LRRC4C: variants seen among roughly 807,000 people sequenced by gnomAD.
The protein encoded by LRRC4C is leucine rich repeat containing 4C.
Under a neutral mutation model 33.6 loss-of-function variants are expected in LRRC4C, and 5 were observed. The ratio of observed to expected loss-of-function variants is 0.15; its 90% CI spans 0.08 to 0.31. LRRC4C has a LOEUF of 0.31. Among genes scored for constraint, LRRC4C ranks in the 10% least tolerant of loss-of-function variants. The probability of loss-of-function intolerance (pLI) is 1.00; values close to 1 mark genes in which losing one functional copy is unlikely to be tolerated. For missense variants in LRRC4C, 560 were observed against 796.7 expected, an observed-to-expected ratio of 0.70 and a Z score of 3.58; for synonymous variants, 329 against 302.0, an observed-to-expected ratio of 1.09 and a Z score of -0.93.
At chr11:40,601,765 A>T (rs547211753) in intron 3 of LRRC4C, among the ~76,000 whole-genome samples, 1 of 152,314 alleles carries the variant, frequency 6.6e-6, no homozygotes, top group East Asian at 1.9e-4. Flanking sequence ...GATATTTTTC[A>T]TGATCAAAGT....
chr11:40,587,279 C>G (rs1250075174), intron 3 of LRRC4C, among the ~76,000 whole-genome samples: 1 of 143,282 alleles, frequency 7.0e-6, no homozygotes, highest in Non-Finnish European at 1.5e-5. Context: ...CTCTGTTTGT[C>G]TGTTGTTGGT....
chr11:40,878,447 A>G (rs1027858315), intron 2 of LRRC4C, among the ~76,000 whole-genome samples: 19 of 152,170 alleles, frequency 1.2e-4, no homozygotes, highest in African/African-American at 4.3e-4. Flanking sequence ...TGAGATCATC[A>G]GGCATTAGAT....
chr11:40,604,613 G>T (rs188771451), intron 3 of LRRC4C, among the ~76,000 whole-genome samples: 13 of 151,968 alleles, frequency 8.6e-5, no homozygotes, highest in Admixed American at 4.6e-4. Flanking sequence ...AAAAGAGGAC[G>T]TACAAAATAA....
intron 3 of LRRC4C, among the ~76,000 whole-genome samples, chr11:40,481,944 T>C (rs1372503358): frequency 6.6e-6 from 1 of 152,194 alleles, no homozygotes; most frequent in Non-Finnish European, 1.5e-5. Context: ...ATGGGAATAA[T>C]ATTTACTACC....
chr11:40,180,722 C>T (rs1268215426), intron 5 of LRRC4C, among the ~76,000 whole-genome samples: 1 of 152,168 alleles, frequency 6.6e-6, no homozygotes, highest in Non-Finnish European at 1.5e-5. Context: ...GTTTTTCCTA[C>T]AGAATTTCCT....
At chr11:41,409,852 T>C (rs2138200514) in intron 1 of LRRC4C, among the ~76,000 whole-genome samples, 2 of 152,334 alleles carry the variant, frequency 1.3e-5, no homozygotes, top group Middle Eastern at 6.8e-3. Context: ...ACTGAATATT[T>C]GTATAGATAA....
intron 5 of LRRC4C, among the ~76,000 whole-genome samples, chr11:40,202,756 G>A (rs1862857506): frequency 6.6e-6 from 1 of 152,048 alleles, no homozygotes; most frequent in Non-Finnish European, 1.5e-5. Flanking sequence ...ATAAGGGAAG[G>A]GGCAAAGCTA....
intron 1 of LRRC4C, among the ~76,000 whole-genome samples, chr11:41,152,195 T>C (rs946471457): frequency 1.3e-5 from 2 of 152,212 alleles, no homozygotes; most frequent in Admixed American, 1.3e-4. Context: ...CTTTATGGAT[T>C]CCTTGTATCC....
intron 3 of LRRC4C, among the ~76,000 whole-genome samples, chr11:40,601,672 T>C (rs1292043457): frequency 6.6e-6 from 1 of 152,210 alleles, no homozygotes; most frequent in Non-Finnish European, 1.5e-5. Flanking sequence ...TCATCAAGGT[T>C]GTAATTTATA....
rs190598912 is a variant in LRRC4C at position 40,696,772 on chromosome 11, A to C, written c.-406-48494T>G. On this transcript the variant is annotated intron_variant, in intron 2 of 6. Coordinates refer to ENST00000528697, the MANE Select transcript of LRRC4C (RefSeq NM_001258419.2). The stretch of plus-strand genomic sequence containing the variant: ...TGTATATATATATATATATATATAT[A>C]TATCTGAGTATATATATATACTCAT... 6.0e-4 allele frequency among the ~76,000 whole-genome samples: 88 copies of C among 146,136 alleles called. 1 individual carries two copies. The highest frequency in any genetic ancestry group is 2.2e-3 in the African/African-American group (86 of 39,548).
intron 1 of LRRC4C, among the ~76,000 whole-genome samples, chr11:41,429,968 A>G (rs1458100495): frequency 6.6e-6 from 1 of 152,116 alleles, no homozygotes; most frequent in African/African-American, 2.4e-5. Flanking sequence ...GAGAGGATCA[A>G]TCATGCCAGT....
intron 2 of LRRC4C, among the ~76,000 whole-genome samples, chr11:40,718,285 T>C (rs1446370224): frequency 6.6e-6 from 1 of 152,180 alleles, no homozygotes; most frequent in Non-Finnish European, 1.5e-5. Flanking sequence ...ATCTTGTGTG[T>C]AGAAGCCAGG....
At chr11:40,600,115 C>T (rs1959830365) in intron 3 of LRRC4C, among the ~76,000 whole-genome samples, 2 of 152,148 alleles carry the variant, frequency 1.3e-5, no homozygotes, top group South Asian at 4.1e-4. Context: ...AGAATAGAAT[C>T]AGCCTGGGAG....
At position 40,114,463 on chromosome 11, in the gene LRRC4C, T is replaced by G. The variant is rs1198320897; in HGVS notation, c.1830A>C (p.Thr610=). The G allele has an allele frequency of 5.6e-6, 9 of 1,614,172 alleles. No individual in the cohort carries two copies. In the East Asian group the frequency reaches 1.8e-4, roughly 32 times the overall value. Residue 610 remains threonine (T), a synonymous_variant, in exon 7 of 7, where the codon ACA becomes ACC. Transcript: ENST00000528697. Reference sequence around the variant, plus strand: ...TGTGTATTGAATTTATTGTGTTAACTGTTGTTGTGTGGTTGAAGGGAGATT... The same window carrying G: ...TGTGTATTGAATTTATTGTGTTAACGGTTGTTGTGTGGTTGAAGGGAGATT... ...SYKSPFNHTT[T]VNTINSIHSS...
intron 1 of LRRC4C, among the ~76,000 whole-genome samples, chr11:41,399,894 G>A (rs545297701): frequency 6.6e-5 from 10 of 151,892 alleles, no homozygotes; most frequent in Non-Finnish European, 1.3e-4. Context: ...AAAAGCGAGA[G>A]TTTATACTGA....
At chr11:40,480,650 A>T (rs1273797492) in intron 3 of LRRC4C, among the ~76,000 whole-genome samples, 1 of 152,146 alleles carries the variant, frequency 6.6e-6, no homozygotes, top group East Asian at 1.9e-4. Context: ...AATATAGTGT[A>T]TGTATAGACA....
chr11:40,394,874 A>G (rs1324989961), intron 3 of LRRC4C, among the ~76,000 whole-genome samples: 2 of 152,132 alleles, frequency 1.3e-5, no homozygotes, highest in Non-Finnish European at 2.9e-5. Flanking sequence ...GTAATTTCCT[A>G]CTGTATCTAT....
intron 1 of LRRC4C, among the ~76,000 whole-genome samples, chr11:41,036,430 G>C (rs1857069135): frequency 6.6e-6 from 1 of 152,128 alleles, no homozygotes; most frequent in African/African-American, 2.4e-5. Flanking sequence ...TCCTTGAACT[G>C]TTACTTCATT....
chr11:40,338,661 T>A (rs1946736219), intron 3 of LRRC4C, among the ~76,000 whole-genome samples: 2 of 152,332 alleles, frequency 1.3e-5, no homozygotes, highest in African/African-American at 4.8e-5. Context: ...ATTCTCATGA[T>A]GAAATCATTT....
Sources: gnomAD v4.1 joint callset for allele counts (sites outside exome capture counted in the v4.1 genomes callset) on GRCh38, gnomAD v4.1.1 for gene constraint, MANE v1.5 for transcripts, NCBI Gene and HGNC (gene_info 2026-07-23, HGNC 2026-07-21) for gene names.